Variants in SERTAD4 observed in about 807,000 individuals in gnomAD.
SERTAD4 encodes the protein SERTA domain containing 4.
Under a neutral mutation model 32.9 loss-of-function variants are expected in SERTAD4, and 18 were observed. That is an observed-to-expected ratio of 0.55 (90% CI 0.38 to 0.81). The LOEUF is 0.81. SERTAD4 is among the 30% of genes least tolerant of loss of function. The probability of loss-of-function intolerance (pLI) is 0.00; values close to 1 mark genes in which losing one functional copy is unlikely to be tolerated. For synonymous variants in SERTAD4, 150 were observed against 156.4 expected (o/e 0.96, Z 0.30); for missense variants, 383 against 426.0 (o/e 0.90, Z 0.89).
intron 3 of SERTAD4, 121 bp from the exon 4 acceptor site, chr1:210,241,437 A>T (rs2083992843): frequency 9.9e-7 from 1 of 1,011,036 alleles, no homozygotes; most frequent in Non-Finnish European, 1.4e-6. Context: ...CAACATGCCC[A>T]GACCCAGACA....
At chr1:210,246,584 G>T, downstream of SERTAD4, 1 of 985,392 alleles carries the variant, frequency 1.0e-6, no homozygotes, top group Non-Finnish European at 1.2e-6. Context: ...TCTGTGACAG[G>T]CTGAAGAACG....
downstream of SERTAD4, chr1:210,246,472 T>C: frequency 1.6e-6 from 1 of 639,650 alleles, no homozygotes; most frequent in Non-Finnish European, 1.9e-6. Flanking sequence ...TATGAACACT[T>C]GAATCTCGCA....
chr1:210,240,457 T>C (rs765625596), intron 3 of SERTAD4, among the ~76,000 whole-genome samples: 2 of 152,150 alleles, frequency 1.3e-5, no homozygotes, highest in African/African-American at 4.8e-5. Context: ...GCAGAATGCA[T>C]TGGTAGGTAC....
intron 1 of SERTAD4, among the ~76,000 whole-genome samples, chr1:210,234,270 C>T (rs1008413522): frequency 1.4e-4 from 22 of 151,998 alleles, no homozygotes; most frequent in Non-Finnish European, 2.4e-4. Context: ...CCCTCCAAAC[C>T]TCGGACCCCA....
chr1:210,233,689 T>C (rs1221150283), intron 1 of SERTAD4: 1 of 470,632 alleles, frequency 2.1e-6, no homozygotes, highest in Admixed American at 2.3e-5. Flanking sequence ...GCCTCTCGCT[T>C]CCCTTCCTCC....
rs1201822895 is a variant in SERTAD4 at position 210,239,563 on chromosome 1, G to A, written c.246G>A (p.Val82=). 1 of 1,608,120 alleles carries A rather than the reference G, an allele frequency of 6.2e-7. No homozygotes were observed. The highest frequency in any genetic ancestry group is 1.7e-5 in the Admixed American group (1 of 58,926). ...SKITYFKRKY[V]EEEDFHPPLS... is the part of the protein sequence containing the mutation. ...TCACATACTTTAAGAGGAAGTATGT[G>A]GAAGAAGAGGATTTTCACCCACCAC... Residue 82 remains valine (V), a synonymous_variant, in exon 3 of 4, where the codon GTG becomes GTA. Transcript: ENST00000367012.
At chr1:210,238,842 G>A (rs1461937302) in intron 2 of SERTAD4, among the ~76,000 whole-genome samples, 1 of 151,982 alleles carries the variant, frequency 6.6e-6, no homozygotes, top group East Asian at 1.9e-4. Context: ...ATTTTTAAAA[G>A]AAACTAAAAT....
chr1:210,236,015 G>A (rs985262835), intron 1 of SERTAD4, among the ~76,000 whole-genome samples: 2 of 152,230 alleles, frequency 1.3e-5, no homozygotes, highest in Non-Finnish European at 2.9e-5. Context: ...TTCCTGATAT[G>A]ATTGTCTCTT....
Position 210,241,991 on chromosome 1 carries a change from G to A in SERTAD4, c.725G>A (p.Arg242His), listed in dbSNP as rs369120586. 2.3e-5 allele frequency: 37 copies of A among 1,613,826 alleles called. No homozygotes were observed. The highest frequency in any genetic ancestry group is 2.7e-5 in the Non-Finnish European group (32 of 1,179,998). ...SPPLPLPSCSRQVDFDVGSAS... is the reference protein window; with the variant it reads ...SPPLPLPSCSHQVDFDVGSAS... The stretch of plus-strand genomic sequence containing the variant: ...CCTTTGCCTTTACCGAGTTGTTCCC[G>A]CCAGGTGGATTTTGATGTAGGTAGT... The change falls in exon 4 of 4, where the codon CGC becomes CAC. Residue 242 changes from arginine (R) to histidine (H), a missense_variant. Arg to His is a conservative substitution (Grantham distance 29, BLOSUM62 0). Coordinates refer to ENST00000367012, the MANE Select transcript of SERTAD4 (RefSeq NM_019605.5).
At chr1:210,237,509 T>C (rs556270384) in intron 1 of SERTAD4, 1 of 166,512 alleles carries the variant, frequency 6.0e-6, no homozygotes, top group Non-Finnish European at 1.3e-5. Context: ...TTTTGATTGA[T>C]TAGTGGATTT....
In SERTAD4 at chr1:210,244,007, T is replaced by A. The variant is rs2084024591; in HGVS notation, c.*1670T>A. On this transcript the variant is annotated 3_prime_UTR_variant, in exon 4 of 4. Coordinates refer to ENST00000367012, the MANE Select transcript of SERTAD4 (RefSeq NM_019605.5). ...TTTTCAATATTTGATAAACATTTGA[T>A]GTTCAAAACTTAGCTAATAGATGCT... 6.6e-6 allele frequency: 1 copy of A among 152,222 alleles called. No individual in the cohort carries two copies. Among genetic ancestry groups the A allele is most frequent in the Non-Finnish European group, 1.5e-5 (1 of 68,036 alleles). 9.4% of individuals were successfully genotyped at this position (152,222 alleles called of 1,614,324 possible).
At chr1:210,233,803 C>A in intron 1 of SERTAD4, 1 of 470,306 alleles carries the variant, frequency 2.1e-6, no homozygotes, top group Middle Eastern at 3.3e-4. Context: ...GCAGGGCGCT[C>A]CCGCAACCGC....
chr1:210,235,892 G>A lies in SERTAD4; in HGVS notation c.-17-2052G>A, dbSNP rs555264792. On this transcript the variant is annotated intron_variant, in intron 1 of 3. Coordinates refer to ENST00000367012, the MANE Select transcript of SERTAD4 (RefSeq NM_019605.5). ...CAAAAGGCTTGCATCTTATTCCCAT[G>A]ATCTAACACAAAAGTGAGTGTAAAC... Among the ~76,000 whole-genome samples the A allele has an allele frequency of 5.3e-5, 8 of 152,304 alleles. No homozygotes were observed. The South Asian group carries it at 1.7e-3, about 32-fold the overall frequency.
At chr1:210,237,815 G>A (rs2083955375) in intron 1 of SERTAD4, 129 bp from the exon 2 acceptor site, 14 of 655,906 alleles carry the variant, frequency 2.1e-5, no homozygotes, top group Non-Finnish European at 2.6e-6. Flanking sequence ...AAATGTTTCA[G>A]GGTAAAGGGG....
chr1:210,238,136 GTAT>G lies in SERTAD4; in HGVS notation c.175+3_175+5del. The G allele has an allele frequency of 6.3e-7, 1 of 1,597,764 alleles. No homozygotes were observed. Among genetic ancestry groups the G allele is most frequent in the Non-Finnish European group, 8.5e-7 (1 of 1,173,382 alleles). On this transcript the variant is annotated splice_donor_variant and splice_donor_region_variant and intron_variant, in intron 2 of 3. Coordinates refer to ENST00000367012, the MANE Select transcript of SERTAD4 (RefSeq NM_019605.5). LOFTEE classifies it high-confidence loss of function. ...CGGGGAGCTGGTCCCCCACTGGCAG[GTAT>G]TGCCCTTGACCTGCGCCCATCCCCC...
chr1:210,238,275 G>C (rs770775609), intron 2 of SERTAD4, 140 bp downstream of exon 2: 1 of 606,486 alleles, frequency 1.6e-6, no homozygotes. Flanking sequence ...CTGCCTGTGC[G>C]CCTCTCATAA....
At position 210,237,940 on chromosome 1, in the gene SERTAD4, TCAG is replaced by T; in HGVS notation, c.-17-3_-17-1del. 2 of 1,592,808 alleles carry T rather than the reference TCAG, an allele frequency of 1.3e-6. No individual in the cohort carries two copies. Among genetic ancestry groups the T allele is most frequent in the South Asian group, 1.1e-5 (1 of 87,800 alleles). On this transcript the variant is annotated splice_acceptor_variant and splice_polypyrimidine_tract_variant and intron_variant, in intron 1 of 3. Transcript: ENST00000367012. LOFTEE classifies it low-confidence loss of function (5UTR_SPLICE). ...ATTCTTGTTTTTTTTTTTTTTCTTTTCAGATCTGAGGCTGTCAGAGATGACTCT... is the reference window on the plus strand; with the variant it reads ...ATTCTTGTTTTTTTTTTTTTTCTTTTATCTGAGGCTGTCAGAGATGACTCT...
rs768451435 is a variant in SERTAD4, at chr1:210,241,963, C to T, written c.697C>T (p.Pro233Ser). 6.2e-7 allele frequency: 1 copy of T among 1,614,160 alleles called. No individual in the cohort carries two copies. The highest frequency in any genetic ancestry group is 2.2e-5 in the East Asian group (1 of 44,890). ...SSSSSSSSSS[P>S]PLPLPSCSRQ... The stretch of plus-strand genomic sequence containing the variant: ...TTCCTCCTCATCTTCCTCTTCCTCT[C>T]CCCCTTTGCCTTTACCGAGTTGTTC... Residue 233 changes from proline to serine, a missense_variant, in exon 4 of 4, where the codon CCC becomes TCC. Transcript: ENST00000367012.
rs139079113 is a variant in SERTAD4, at chr1:210,242,744, A to G, written c.*407A>G. ...AAGCAAATCAATATAACCAGCAAAG[A>G]TACCTGCTTCTTCTATATGATACAA... On this transcript the variant is annotated 3_prime_UTR_variant, in exon 4 of 4. Transcript: ENST00000367012. This position sits in a 1 kb window ranked among gnomAD's most constrained non-coding sequence, Gnocchi z 4.0. The G allele has an allele frequency of 7.0e-6, 7 of 996,844 alleles. No homozygotes were observed. The African/African-American group carries it at 1.2e-4, about 17-fold the overall frequency. 61.7% of individuals were successfully genotyped at this position (996,844 alleles called of 1,614,324 possible).
Sources: allele counts gnomAD v4.1 joint callset (sites outside exome capture counted in the v4.1 genomes callset), GRCh38; gene constraint gnomAD v4.1.1; non-coding constraint Gnocchi (gnomAD v3.1); transcripts MANE v1.5; gene names NCBI Gene and HGNC (gene_info 2026-07-23, HGNC 2026-07-21).